The following ZNF189 variants were observed in gnomAD, a reference collection of about 807,000 sequenced individuals.
The protein encoded by ZNF189 is zinc finger protein 189.
ZNF189 carries 33 observed loss-of-function variants against 53.5 expected under a neutral mutation model. That is an observed-to-expected ratio of 0.62 (90% confidence interval 0.47 to 0.82). The LOEUF (loss-of-function observed/expected upper bound fraction) is 0.82, where lower values mean the gene tolerates loss of function less well. Among genes scored for constraint, ZNF189 ranks in the 40% least tolerant of loss-of-function variants. ZNF189 has a pLI of 0.00. For synonymous variants in ZNF189, 247 were observed against 238.8 expected (o/e 1.03, Z -0.32); for missense variants, 711 against 753.9 (o/e 0.94, Z 0.67).
chr9:101,408,747 T>C lies in ZNF189; in HGVS notation c.979T>C (p.Leu327=), dbSNP rs761125913. ...KCGECGKAFR[L]STYLIQHQKI... ...TGGTGAATGTGGGAAAGCCTTTCGATTAAGCACATACCTTATACAACACCA... is the reference window on the plus strand; with the variant it reads ...TGGTGAATGTGGGAAAGCCTTTCGACTAAGCACATACCTTATACAACACCA... The change falls in exon 3 of 3, where the codon TTA becomes CTA. Residue 327 remains leucine, a synonymous_variant. Transcript: ENST00000339664. The C allele has an allele frequency of 6.2e-7, 1 of 1,613,998 alleles. No individual in the cohort carries two copies. Among genetic ancestry groups the C allele is most frequent in the East Asian group, 2.2e-5 (1 of 44,854 alleles).
In ZNF189 at chr9:101,409,515, C is replaced by T. The variant is rs776940219; in HGVS notation, c.1747C>T (p.Leu583Phe). 1 of 1,614,072 alleles carries T rather than the reference C, an allele frequency of 6.2e-7. No homozygotes were observed. Among genetic ancestry groups the T allele is most frequent in the Non-Finnish European group, 8.5e-7 (1 of 1,179,988 alleles). ...CDKSFSQQRS[L>F]VNHQKIHAEV... is the part of the protein sequence containing the mutation. Reference sequence around the variant, plus strand: ...CAAAAGTTTCAGTCAACAGCGCAGTCTTGTCAACCATCAGAAGATCCATGC... The same window carrying T: ...CAAAAGTTTCAGTCAACAGCGCAGTTTTGTCAACCATCAGAAGATCCATGC... Residue 583 changes from leucine to phenylalanine, a missense_variant, in exon 3 of 3, where the codon CTT (leucine) becomes TTT (phenylalanine). Transcript: ENST00000339664.
intron 2 of ZNF189, among the ~76,000 whole-genome samples, chr9:101,405,008 G>T (rs1352308366): frequency 6.6e-6 from 1 of 152,178 alleles, no homozygotes; most frequent in African/African-American, 2.4e-5. Flanking sequence ...CCAAAAGTTT[G>T]CCAGGTAAAC....
intron 2 of ZNF189, among the ~76,000 whole-genome samples, chr9:101,404,466 G>A (rs1405004660): frequency 6.6e-6 from 1 of 152,010 alleles, no homozygotes; most frequent in Non-Finnish European, 1.5e-5. Flanking sequence ...CTGTTTAACT[G>A]TATCCTTTTG....
At chr9:101,400,244 C>T (rs553112564) in intron 2 of ZNF189, among the ~76,000 whole-genome samples, 1 of 152,274 alleles carries the variant, frequency 6.6e-6, no homozygotes, top group African/African-American at 2.4e-5. Flanking sequence ...TTGTTCTGTA[C>T]TTTCCGTCCT....
At chr9:101,407,558 TA>T (rs1182027986) in intron 2 of ZNF189, 8 of 405,872 alleles carry the variant, frequency 2.0e-5, no homozygotes, top group East Asian at 7.1e-5. Context: ...TCTGGCTAAT[TA>T]AAAAAAAATT....
Position 101,399,142 on chromosome 9 carries a change from T to C in ZNF189, c.-15T>C. ...AGGCCGCCCCCAATTCCTGCCCCTATTCTCTGCCTGGGAGATGGCTTCCCC... is the reference window on the plus strand; with the variant it reads ...AGGCCGCCCCCAATTCCTGCCCCTACTCTCTGCCTGGGAGATGGCTTCCCC... On this transcript the variant is annotated 5_prime_UTR_variant, in exon 1 of 3. Transcript: ENST00000339664. The C allele has an allele frequency of 6.3e-7, 1 of 1,586,596 alleles. No individual in the cohort carries two copies.
chr9:101,405,477 G>A (rs1830674757), intron 2 of ZNF189, among the ~76,000 whole-genome samples: 1 of 152,146 alleles, frequency 6.6e-6, no homozygotes, highest in Admixed American at 6.5e-5. Context: ...GATAATTAAA[G>A]GTGGGGAAAG....
At chr9:101,399,544 G>A (rs1830452959) in intron 1 of ZNF189, 4 of 1,276,432 alleles carry the variant, frequency 3.1e-6, no homozygotes, top group Non-Finnish European at 4.0e-6. Flanking sequence ...CACGCTTAGA[G>A]AACCTCAAGG....
chr9:101,408,322 T>G lies in ZNF189; in HGVS notation c.554T>G (p.Phe185Cys). 2 of 1,614,092 alleles carry G rather than the reference T, an allele frequency of 1.2e-6. No individual in the cohort carries two copies. Among genetic ancestry groups the G allele is most frequent in the Non-Finnish European group, 1.7e-6 (2 of 1,180,002 alleles). The change falls in exon 3 of 3, where the codon TTT becomes TGT. Residue 185 changes from phenylalanine to cysteine, a missense_variant. Phe to Cys is a radical substitution (Grantham distance 205). Transcript: ENST00000339664. ...PFQCNECGKS[F>C]SRSSFVIEHQ... ...CAGTGCAATGAATGTGGGAAAAGTT[T>G]TAGTCGCAGTTCATTTGTTATTGAA...
chr9:101,408,307 A>T lies in ZNF189; in HGVS notation c.539A>T (p.Glu180Val), dbSNP rs529115548. 1 of 1,614,168 alleles carries T rather than the reference A, an allele frequency of 6.2e-7. No individual in the cohort carries two copies. Among genetic ancestry groups the T allele is most frequent in the African/African-American group, 1.3e-5 (1 of 75,066 alleles). The change falls in exon 3 of 3, where the codon GAA becomes GTA. Residue 180 changes from glutamate to valine, a missense_variant. Glu to Val is a moderately radical substitution (Grantham distance 121). Coordinates refer to ENST00000339664, the MANE Select transcript of ZNF189 (RefSeq NM_003452.4). ...HTGEKPFQCN[E>V]CGKSFSRSSF... The stretch of plus-strand genomic sequence containing the variant: ...GGTGAGAAACCTTTTCAGTGCAATG[A>T]ATGTGGGAAAAGTTTTAGTCGCAGT...
Position 101,408,744 on chromosome 9 carries a change from C to A in ZNF189, c.976C>A (p.Arg326=). 1 of 1,613,912 alleles carries A rather than the reference C, an allele frequency of 6.2e-7. No homozygotes were observed. Among genetic ancestry groups the A allele is most frequent in the Non-Finnish European group, 8.5e-7 (1 of 1,179,956 alleles). Residue 326 remains arginine, a synonymous_variant, in exon 3 of 3, where the codon CGA becomes AGA. Coordinates refer to ENST00000339664, the MANE Select transcript of ZNF189 (RefSeq NM_003452.4). ...ATGTGGTGAATGTGGGAAAGCCTTT[C>A]GATTAAGCACATACCTTATACAACA... is the stretch of plus-strand genomic sequence containing the variant. ...HKCGECGKAF[R]LSTYLIQHQK...
Position 101,408,022 on chromosome 9 carries a change from C to G in ZNF189, c.254C>G (p.Thr85Arg), listed in dbSNP as rs752852075. 7 of 1,613,418 alleles carry G rather than the reference C, an allele frequency of 4.3e-6. No homozygotes were observed. Among genetic ancestry groups the G allele is most frequent in the Non-Finnish European group, 5.9e-6 (7 of 1,179,834 alleles). The change falls in exon 3 of 3, where the codon ACA becomes AGA. Residue 85 changes from threonine to arginine, a missense_variant. Transcript: ENST00000339664. ...GTGGAACCACAGGGTGTAATAGTTACAAGAATCAAAAGTGAAATTGACCAG... is the reference window on the plus strand; with the variant it reads ...GTGGAACCACAGGGTGTAATAGTTAGAAGAATCAAAAGTGAAATTGACCAG... ...EEVEPQGVIV[T>R]RIKSEIDQDP...
intron 2 of ZNF189, among the ~76,000 whole-genome samples, chr9:101,403,748 C>T (rs1409854926): frequency 1.3e-5 from 2 of 152,172 alleles, no homozygotes; most frequent in Non-Finnish European, 2.9e-5. Context: ...GAACACTAAT[C>T]CCATCATGGG....
At chr9:101,405,570 A>G (rs2777346) in intron 2 of ZNF189, among the ~76,000 whole-genome samples, 1 of 152,198 alleles carries the variant, frequency 6.6e-6, no homozygotes, top group Non-Finnish European at 1.5e-5. Context: ...GGGTGTATAT[A>G]CAGAACAAGT....
intron 1 of ZNF189, chr9:101,399,501 C>G (rs1830450617): frequency 7.8e-7 from 1 of 1,288,992 alleles, no homozygotes; most frequent in East Asian, 3.9e-5. Flanking sequence ...CTTGTGTCTT[C>G]TGTTCCTGGC....
intron 1 of ZNF189, 156 bp downstream of exon 1, chr9:101,399,345 G>A (rs1392153464): frequency 3.1e-5 from 43 of 1,388,602 alleles, no homozygotes; most frequent in African/African-American, 4.6e-5. Context: ...TTGGGGTGCG[G>A]TTCGCGAACA....
chr9:101,407,163 G>T (rs7852444), intron 2 of ZNF189, among the ~76,000 whole-genome samples: 64,963 of 151,918 alleles, frequency 0.43, 14,172 homozygotes, highest in South Asian at 0.56. Flanking sequence ...TACAGGAGCT[G>T]CTTTTTACTT....
intron 2 of ZNF189, 27 bp from the exon 3 acceptor site, chr9:101,407,902 C>T: frequency 6.7e-7 from 1 of 1,492,538 alleles, no homozygotes; most frequent in Non-Finnish European, 8.9e-7. Flanking sequence ...CTTGGTTGAT[C>T]TTTGTATTTC....
In ZNF189 at chr9:101,409,632, A is replaced by G; in HGVS notation, c.1864A>G (p.Thr622Ala). The G allele has an allele frequency of 6.2e-7, 1 of 1,608,798 alleles. No homozygotes were observed. Among genetic ancestry groups the G allele is most frequent in the Non-Finnish European group, 8.5e-7 (1 of 1,178,238 alleles). The change falls in exon 3 of 3, where the codon ACA becomes GCA. Residue 622 changes from threonine (T) to alanine (A), a missense_variant. Physicochemically the swap from Thr to Ala is moderately conservative, Grantham distance 58. Coordinates refer to ENST00000339664, the MANE Select transcript of ZNF189 (RefSeq NM_003452.4). ...ISLIQHQKLH[T>A]AWMQ ...TCTTATTCAGCATCAGAAATTGCAC[A>G]CAGCATGGATGCAATAAATGTAGAG...
Sources: gnomAD v4.1 joint callset for allele counts (sites outside exome capture counted in the v4.1 genomes callset) on GRCh38, gnomAD v4.1.1 for gene constraint, MANE v1.5 for transcripts, NCBI Gene and HGNC (gene_info 2026-07-23, HGNC 2026-07-21) for gene names.